TEX11: variants seen among roughly 807,000 people sequenced by gnomAD.
TEX11 encodes testis-expressed protein 11.
In TEX11, 7 loss-of-function variants were observed where a neutral mutation model predicts 84.4. The ratio of observed to expected loss-of-function variants is 0.08; its 90% CI spans 0.05 to 0.16. The LOEUF (loss-of-function observed/expected upper bound fraction) is 0.16, where lower values mean the gene tolerates loss of function less well. TEX11 is among the 10% of genes least tolerant of loss of function. TEX11 has a pLI of 1.00. For synonymous variants in TEX11, 264 were observed against 222.8 expected, an observed-to-expected ratio of 1.18 and a Z score of -1.64; for missense variants, 551 against 660.5, an observed-to-expected ratio of 0.83 and a Z score of 1.82.
chrX:70,830,223 T>C (rs2091370059), intron 8 of TEX11, among the ~76,000 whole-genome samples: 1 of 111,735 alleles, frequency 8.9e-6, no homozygotes, highest in African/African-American at 3.2e-5. Flanking sequence ...CCTATACTTA[T>C]ATCAGACAAA....
chrX:70,783,622 T>A (rs766934847), intron 9 of TEX11, among the ~76,000 whole-genome samples: 52 of 111,053 alleles, frequency 4.7e-4, no homozygotes, highest in African/African-American at 1.6e-3. Flanking sequence ...AAATAGACGC[T>A]ATAAAAAATG....
intron 4 of TEX11, among the ~76,000 whole-genome samples, chrX:70,869,988 T>C (rs1165272440): frequency 1.8e-5 from 2 of 111,809 alleles, no homozygotes; most frequent in Admixed American, 9.5e-5. Context: ...TTGCTCCATC[T>C]TGTCTTCTCA....
intron 17 of TEX11, among the ~76,000 whole-genome samples, chrX:70,647,755 A>T (rs1321858698): frequency 1.8e-5 from 2 of 111,449 alleles, no homozygotes; most frequent in Non-Finnish European, 3.8e-5. Flanking sequence ...ATATCTTTAA[A>T]ACACCATGTT....
chrX:70,844,976 G>A (rs1438336651), intron 7 of TEX11, among the ~76,000 whole-genome samples: 1 of 110,816 alleles, frequency 9.0e-6, no homozygotes, highest in Non-Finnish European at 1.9e-5. Context: ...CAAGCTCATG[G>A]TAGAAGTACA....
intron 7 of TEX11, among the ~76,000 whole-genome samples, chrX:70,845,425 G>A (rs992212765): frequency 5.4e-5 from 6 of 110,978 alleles, no homozygotes; most frequent in Non-Finnish European, 1.1e-4. Context: ...GCCTCCCAAA[G>A]TGATGGGATT....
At chrX:70,765,571 G>A (rs748298306) in intron 9 of TEX11, among the ~76,000 whole-genome samples, 34 of 112,004 alleles carry the variant, frequency 3.0e-4, no homozygotes, top group Admixed American at 1.6e-3. Context: ...AAAAGCATTT[G>A]AGAAAATCCA....
chrX:70,544,721 C>G (rs776944758), intron 28 of TEX11, among the ~76,000 whole-genome samples: 10 of 108,060 alleles, frequency 9.3e-5, no homozygotes, highest in Admixed American at 9.0e-4. Flanking sequence ...CGCCTGTAAT[C>G]CCAGCTACTT....
chrX:70,671,880 G>GATTGATATATATAT, intron 15 of TEX11, among the ~76,000 whole-genome samples: 1 of 66,342 alleles, frequency 1.5e-5, no homozygotes, highest in African/African-American at 5.3e-5. Flanking sequence ...CAATTGTTTT[G>GATTGATATATATAT]ATATATATAT....
intron 8 of TEX11, among the ~76,000 whole-genome samples, chrX:70,826,194 C>T (rs775091423): frequency 9.0e-4 from 99 of 109,508 alleles, no homozygotes; most frequent in African/African-American, 3.1e-3. Flanking sequence ...GCCTGTAATC[C>T]CAGCTACTTG....
At chrX:70,542,140 G>A (rs1213924101) in intron 28 of TEX11, among the ~76,000 whole-genome samples, 2 of 111,312 alleles carry the variant, frequency 1.8e-5, no homozygotes, top group African/African-American at 6.5e-5. Flanking sequence ...AACCTCCAAG[G>A]TGATGATATT....
chrX:70,719,942 C>G (rs1261967977), intron 13 of TEX11, among the ~76,000 whole-genome samples: 1 of 111,424 alleles, frequency 9.0e-6, no homozygotes, highest in Non-Finnish European at 1.9e-5. Flanking sequence ...CTAGTTCAAC[C>G]ATTGTGGAAG....
At chrX:70,880,799 C>G (rs1479957906) in intron 2 of TEX11, among the ~76,000 whole-genome samples, 1 of 109,656 alleles carries the variant, frequency 9.1e-6, no homozygotes, top group Non-Finnish European at 1.9e-5. Flanking sequence ...TGAATCTGCA[C>G]AAATGATGTC....
At chrX:70,799,300 C>A (rs1485649756) in intron 9 of TEX11, among the ~76,000 whole-genome samples, 3 of 111,115 alleles carry the variant, frequency 2.7e-5, no homozygotes, top group African/African-American at 9.8e-5. Context: ...GATTAGGAAA[C>A]AAAAAGAAGT....
At chrX:70,567,386 T>A (rs1305483924) in intron 25 of TEX11, among the ~76,000 whole-genome samples, 1 of 111,532 alleles carries the variant, frequency 9.0e-6, no homozygotes, top group Non-Finnish European at 1.9e-5. Flanking sequence ...TTGAAGGGGT[T>A]TTTGCGTCTC....
chrX:70,605,543 A>G (rs2089186655), intron 23 of TEX11, 26 bp from the exon 24 acceptor site: 2 of 1,016,759 alleles, frequency 2.0e-6, no homozygotes, highest in South Asian at 2.1e-5. Context: ...CAGAACATCA[A>G]TGAATAGTGA....
intron 18 of TEX11, 55 bp downstream of exon 18, chrX:70,629,545 TTCTATTAATTG>T (rs2089485326): frequency 9.0e-7 from 1 of 1,111,811 alleles, no homozygotes. Context: ...CTGATAATGA[TTCTATTAATTG>T]TCTTTCAAAA....
intron 25 of TEX11, among the ~76,000 whole-genome samples, chrX:70,573,769 G>C (rs1255922445): frequency 9.0e-6 from 1 of 111,672 alleles, no homozygotes; most frequent in African/African-American, 3.3e-5. Flanking sequence ...ACTGTATTTG[G>C]ATAAATTAGA....
intron 9 of TEX11, among the ~76,000 whole-genome samples, chrX:70,788,967 TATATATAGAGAG>T (rs1336145660): frequency 4.7e-4 from 15 of 31,997 alleles, no homozygotes; most frequent in East Asian, 1.9e-3. Flanking sequence ...TATATATATA[TATATATAGAGAG>T]AGAGAGAGAG....
At chrX:70,546,334 T>C (rs1440379841) in intron 28 of TEX11, among the ~76,000 whole-genome samples, 1 of 111,956 alleles carries the variant, frequency 8.9e-6, no homozygotes, top group Non-Finnish European at 1.9e-5. Flanking sequence ...AAACGTGGGT[T>C]GGGCAAAGAT....
Sources: allele counts gnomAD v4.1 joint callset (sites outside exome capture counted in the v4.1 genomes callset), GRCh38; gene constraint gnomAD v4.1.1; transcripts MANE v1.5; gene names NCBI Gene and HGNC (gene_info 2026-07-23, HGNC 2026-07-21).